STX11: variants seen among roughly 807,000 people sequenced by gnomAD.
STX11 encodes the protein syntaxin-11.
Under a neutral mutation model 19.9 loss-of-function variants are expected in STX11, and 21 were observed. That is an observed-to-expected ratio of 1.06 (90% confidence interval 0.75 to 1.52). The LOEUF (loss-of-function observed/expected upper bound fraction) is 1.52, where lower values mean the gene tolerates loss of function less well. Among genes scored for constraint, STX11 ranks in the 40% most tolerant of loss-of-function variants. The pLI is 0.00. For synonymous variants in STX11, 193 were observed against 174.4 expected (o/e 1.11, Z -0.84); for missense variants, 438 against 405.9 (o/e 1.08, Z -0.68).
In STX11 at chr6:144,167,611, TC is replaced by T. The variant is rs1801517924; in HGVS notation, c.-6+16909del. On this transcript the variant is annotated intron_variant, in intron 1 of 1. Transcript: ENST00000367568. This position sits in a 1 kb window ranked among gnomAD's most constrained non-coding sequence, Gnocchi z 5.0. ...GATAAGCAATCACTTCTCCTTTTTT[TC>T]ATTTCTTTTTTATTTTCTTTTTTTG... Among the ~76,000 whole-genome samples the T allele has an allele frequency of 6.6e-6, 1 of 152,208 alleles. No individual in the cohort carries two copies. Among genetic ancestry groups the T allele is most frequent in the South Asian group, 2.1e-4 (1 of 4,830 alleles).
At chr6:144,142,061 G>A in the STX11 span, among the ~76,000 whole-genome samples, 1 of 151,290 alleles carries the variant, frequency 6.6e-6, no homozygotes, top group Non-Finnish European at 1.5e-5. Flanking sequence ...TAGTATTTGA[G>A]TCTGAAGTCT....
intron 1 of STX11, among the ~76,000 whole-genome samples, chr6:144,163,276 T>A (rs986674396): frequency 7.2e-5 from 11 of 152,282 alleles, no homozygotes; most frequent in South Asian, 2.1e-4. Context: ...TTTATTTTTT[T>A]AAAAATGCTT....
intron 1 of STX11, among the ~76,000 whole-genome samples, chr6:144,161,898 A>C (rs553074253): frequency 3.3e-5 from 5 of 151,612 alleles, no homozygotes; most frequent in African/African-American, 9.7e-5. Context: ...TATTTTTTCA[A>C]CTCTTTTTTC....
At position 144,159,810 on chromosome 6, in the gene STX11, T is replaced by A. The variant is rs976424540; in HGVS notation, c.-6+9107T>A. Among the ~76,000 whole-genome samples, 1 of 152,114 alleles carries A rather than the reference T, an allele frequency of 6.6e-6. No homozygotes were observed. The highest frequency in any genetic ancestry group is 2.4e-5 in the African/African-American group (1 of 41,402). ...TAGGAGGGTGCTTGACAGATTTGCT[T>A]TTGGGTCTTGTTGGAGACAGTGGGT... On this transcript the variant is annotated intron_variant, in intron 1 of 1. Transcript: ENST00000367568. This position sits in a 1 kb window ranked among gnomAD's most constrained non-coding sequence, Gnocchi z 4.3.
rs145782077 is a variant in STX11, at chr6:144,172,000, T to C, written c.-5-14623T>C. ...TGCTTATGTTTGTGTTTTAAAATCATAACAATAAACTTTTGTTTTAAATGC... is the reference window on the plus strand; with the variant it reads ...TGCTTATGTTTGTGTTTTAAAATCACAACAATAAACTTTTGTTTTAAATGC... On this transcript the variant is annotated intron_variant, in intron 1 of 1. Coordinates refer to ENST00000367568, the MANE Select transcript of STX11 (RefSeq NM_003764.4). Among the ~76,000 whole-genome samples, 175 of 152,328 alleles carry C rather than the reference T, an allele frequency of 1.1e-3. 1 individual carries two copies. The highest frequency in any genetic ancestry group is 4.2e-3 in the African/African-American group (174 of 41,570).
At position 144,191,786 on chromosome 6, in the gene STX11, T is replaced by C. The variant is rs1802212343; in HGVS notation, c.*4295T>C. On this transcript the variant is annotated 3_prime_UTR_variant, in exon 2 of 2. Transcript: ENST00000367568. ...ATTAATAAAATGGGGCTATTAGAAA[T>C]GGAAAACGAATAGGATCTAGAATGT... Among the ~76,000 whole-genome samples the C allele has an allele frequency of 6.6e-6, 1 of 152,146 alleles. No individual in the cohort carries two copies. Among genetic ancestry groups the C allele is most frequent in the Non-Finnish European group, 1.5e-5 (1 of 68,016 alleles).
In STX11 at chr6:144,162,950, T is replaced by G. The variant is rs1055353232; in HGVS notation, c.-6+12247T>G. On this transcript the variant is annotated intron_variant, in intron 1 of 1. Transcript: ENST00000367568. The surrounding 1 kb of genome is among the most constrained non-coding windows in gnomAD (Gnocchi z 4.6). Reference sequence around the variant, plus strand: ...GTGTGTAAATACCTTTTGAGGTTCATTGTCTTATTCTAGTTTGCTCAGTGC... The same window carrying G: ...GTGTGTAAATACCTTTTGAGGTTCAGTGTCTTATTCTAGTTTGCTCAGTGC... Among the ~76,000 whole-genome samples, 2 of 152,240 alleles carry G rather than the reference T, an allele frequency of 1.3e-5. No homozygotes were observed. The highest frequency in any genetic ancestry group is 2.9e-5 in the Non-Finnish European group (2 of 68,040).
intron 1 of STX11, among the ~76,000 whole-genome samples, chr6:144,185,445 A>G (rs1166585579): frequency 6.6e-6 from 1 of 152,214 alleles, no homozygotes; most frequent in Non-Finnish European, 1.5e-5. Context: ...GATATTCCCT[A>G]TATTAGCATA....
Position 144,170,921 on chromosome 6 carries a change from C to A in STX11, c.-5-15702C>A, listed in dbSNP as rs1801612811. Among the ~76,000 whole-genome samples the A allele has an allele frequency of 6.6e-6, 1 of 152,182 alleles. No homozygotes were observed. Among genetic ancestry groups the A allele is most frequent in the Non-Finnish European group, 1.5e-5 (1 of 68,040 alleles). ...AGTCTTAAGAGCTTTACATGGCTTACCTCATTTAATCCCCTCTACTATCCT... is the reference window on the plus strand; with the variant it reads ...AGTCTTAAGAGCTTTACATGGCTTAACTCATTTAATCCCCTCTACTATCCT... On this transcript the variant is annotated intron_variant, in intron 1 of 1. Transcript: ENST00000367568. This position sits in a 1 kb window ranked among gnomAD's most constrained non-coding sequence, Gnocchi z 4.7.
At position 144,188,337 on chromosome 6, in the gene STX11, G is replaced by A. The variant is rs1459354399; in HGVS notation, c.*846G>A. 4.4e-6 allele frequency: 1 copy of A among 228,852 alleles called. No homozygotes were observed. The highest frequency in any genetic ancestry group is 1.9e-4 in the South Asian group (1 of 5,346). The allele number at this position is 228,852 out of a possible 1,614,324, so 14.2% of individuals were successfully genotyped here. A position where few individuals can be genotyped will look rare whatever the true frequency, so the allele number is the denominator to read the frequency against. On this transcript the variant is annotated 3_prime_UTR_variant, in exon 2 of 2. Coordinates refer to ENST00000367568, the MANE Select transcript of STX11 (RefSeq NM_003764.4). The stretch of plus-strand genomic sequence containing the variant: ...GATCAATTGGTTTAACTTCTTTTAT[G>A]TAAGTATGGTATATAAATTTCAAGA...
rs536237817 is a variant in STX11 at position 144,166,824 on chromosome 6, C to A, written c.-6+16121C>A. Among the ~76,000 whole-genome samples, 3 of 151,270 alleles carry A rather than the reference C, an allele frequency of 2.0e-5. No individual in the cohort carries two copies. In the South Asian group the frequency reaches 6.3e-4, roughly 32 times the overall value. ...TACAGCCATGAGCCACAGTGCCTGG[C>A]CCCACCTTCCCCCTTTCCCCCTTCC... On this transcript the variant is annotated intron_variant, in intron 1 of 1. Transcript: ENST00000367568.
At position 144,187,399 on chromosome 6, in the gene STX11, C is replaced by T. The variant is rs1415508025; in HGVS notation, c.772C>T (p.Gln258Ter). The T allele has an allele frequency of 1.2e-6, 2 of 1,611,202 alleles. No individual in the cohort carries two copies. The highest frequency in any genetic ancestry group is 2.2e-5 in the South Asian group (2 of 91,090). The stretch of plus-strand genomic sequence containing the variant: ...ACAAAAGACGGTCGACTACACCGGC[C>T]AGGCCAAGGCGCAGGTGCGGAAGGC... Reference protein sequence around the residue: ...NVQKTVDYTGQAKAQVRKAVQ... With the variant: ...NVQKTVDYTG The change falls in exon 2 of 2, where the codon CAG becomes TAG. Residue 258 changes from glutamine (Q) to a stop codon, truncating the protein, a stop_gained. Coordinates refer to ENST00000367568, the MANE Select transcript of STX11 (RefSeq NM_003764.4). LOFTEE classifies it high-confidence loss of function. The surrounding 1 kb of genome is among the most constrained non-coding windows in gnomAD (Gnocchi z 5.6).
At chr6:144,164,635 A>G (rs775868519) in intron 1 of STX11, among the ~76,000 whole-genome samples, 4 of 152,208 alleles carry the variant, frequency 2.6e-5, no homozygotes, top group Non-Finnish European at 5.9e-5. Context: ...TGGTATTAAA[A>G]GATGTTTAAG....
the STX11 span, chr6:144,140,815 G>T: frequency 2.0e-6 from 2 of 984,910 alleles, no homozygotes; most frequent in Middle Eastern, 5.2e-4. Flanking sequence ...CCAAAGTAAG[G>T]CTTCTTGGCA....
chr6:144,169,663 C>CCTT lies in STX11; in HGVS notation c.-5-16959_-5-16958insTTC. On this transcript the variant is annotated intron_variant, in intron 1 of 1. Coordinates refer to ENST00000367568, the MANE Select transcript of STX11 (RefSeq NM_003764.4). The surrounding 1 kb of genome is among the most constrained non-coding windows in gnomAD (Gnocchi z 5.2). ...CTCCTTTTCTTTTCCCTCCCTCCCT[C>CCTT]CCTTCCTTCCTTCCTTCCTTCCTTC... Among the ~76,000 whole-genome samples, 1 of 139,806 alleles carries CCTT rather than the reference C, an allele frequency of 7.2e-6. No homozygotes were observed. The highest frequency in any genetic ancestry group is 2.1e-4 in the East Asian group (1 of 4,684). The allele number at this position is 139,806 out of a possible 152,430, so 91.7% of individuals were successfully genotyped here. A position where few individuals can be genotyped will look rare whatever the true frequency, so the allele number is the denominator to read the frequency against.
At chr6:144,140,734 G>A in the STX11 span, 1 of 985,286 alleles carries the variant, frequency 1.0e-6, no homozygotes, top group Non-Finnish European at 1.2e-6. Flanking sequence ...GTAAGACAAA[G>A]ACATGGAGCA....
intron 1 of STX11, among the ~76,000 whole-genome samples, chr6:144,163,183 C>T (rs917219025): frequency 4.6e-5 from 7 of 152,164 alleles, no homozygotes; most frequent in Admixed American, 2.0e-4. Context: ...GGGGAAGTTG[C>T]GTAAGTCAGT....
At chr6:144,142,986 T>C in the STX11 span, among the ~76,000 whole-genome samples, 1 of 152,152 alleles carries the variant, frequency 6.6e-6, no homozygotes, top group Non-Finnish European at 1.5e-5. Flanking sequence ...CCTTACACAT[T>C]CTATGCATGC....
chr6:144,191,150 T>C lies in STX11; in HGVS notation c.*3659T>C, dbSNP rs548471644. On this transcript the variant is annotated 3_prime_UTR_variant, in exon 2 of 2. Coordinates refer to ENST00000367568, the MANE Select transcript of STX11 (RefSeq NM_003764.4). ...AATCTTTTATAGCTATTTTAACATATACAGTGACTACTTTCTACTAGCCAA... is the reference window on the plus strand; with the variant it reads ...AATCTTTTATAGCTATTTTAACATACACAGTGACTACTTTCTACTAGCCAA... 6.6e-6 allele frequency among the ~76,000 whole-genome samples: 1 copy of C among 151,184 alleles called. No individual in the cohort carries two copies. The highest frequency in any genetic ancestry group is 2.1e-4 in the South Asian group (1 of 4,762).
Sources: gnomAD v4.1 joint callset for allele counts (sites outside exome capture counted in the v4.1 genomes callset) on GRCh38, gnomAD v4.1.1 for gene constraint, Gnocchi (gnomAD v3.1) non-coding constraint, MANE v1.5 for transcripts, NCBI Gene and HGNC (gene_info 2026-07-23, HGNC 2026-07-21) for gene names.